TEX9: variants seen among roughly 807,000 people sequenced by gnomAD.
TEX9 encodes testis expressed 9, also known as testis-expressed protein 9.
In TEX9, 74 loss-of-function variants were observed where a neutral mutation model predicts 59.6. The ratio of observed to expected loss-of-function variants is 1.24; its 90% confidence interval spans 1.03 to 1.51. TEX9 has a LOEUF of 1.51. Among genes scored for constraint, TEX9 ranks in the 40% most tolerant of loss-of-function variants. TEX9 has a pLI of 0.00. For missense variants in TEX9, 522 were observed against 447.8 expected (o/e 1.17, Z -1.49); for synonymous variants, 186 against 152.2 (o/e 1.22, Z -1.64).
chr15:56,308,192 A>C (rs1382935090), intron 1 of TEX9, among the ~76,000 whole-genome samples: 10 of 152,206 alleles, frequency 6.6e-5, no homozygotes, highest in Admixed American at 6.5e-5. Flanking sequence ...TTTTACCAGC[A>C]GTGTATAAGG....
chr15:56,255,223 G>A (rs1314678216), intron 1 of TEX9, among the ~76,000 whole-genome samples: 3 of 152,092 alleles, frequency 2.0e-5, no homozygotes, highest in Non-Finnish European at 4.4e-5. Context: ...ATATGTAAAT[G>A]AATGTGCGAT....
At chr15:56,310,580 C>A (rs1432179851) in intron 1 of TEX9, among the ~76,000 whole-genome samples, 2 of 152,226 alleles carry the variant, frequency 1.3e-5, no homozygotes, top group Non-Finnish European at 2.9e-5. Flanking sequence ...GCGCATCCTA[C>A]TTTCCATTGC....
At chr15:56,337,537 C>G (rs2141811850) in intron 1 of TEX9, among the ~76,000 whole-genome samples, 1 of 152,282 alleles carries the variant, frequency 6.6e-6, no homozygotes, top group East Asian at 1.9e-4. Flanking sequence ...AAATATTAGC[C>G]TTTTTCATTG....
At chr15:56,452,158 T>G in the TEX9 span, among the ~76,000 whole-genome samples, 2 of 152,180 alleles carry the variant, frequency 1.3e-5, no homozygotes, top group South Asian at 4.1e-4. Flanking sequence ...TCAGGTTAGA[T>G]GATTCACTAG....
At chr15:56,459,014 C>G in the TEX9 span, among the ~76,000 whole-genome samples, 101 of 152,292 alleles carry the variant, frequency 6.6e-4, no homozygotes, top group African/African-American at 2.3e-3. Context: ...TATAGCACAT[C>G]TGTGTGTACA....
At chr15:56,300,705 GAGGGAGAGAGA>G (rs2045330946) in intron 1 of TEX9, among the ~76,000 whole-genome samples, 4 of 109,308 alleles carry the variant, frequency 3.7e-5, no homozygotes, top group Admixed American at 3.0e-4. Flanking sequence ...GAGAGAGAGA[GAGGGAGAGAGA>G]GAGAGAGAGA....
At chr15:56,306,269 A>G (rs2045483166) in intron 1 of TEX9, among the ~76,000 whole-genome samples, 1 of 151,300 alleles carries the variant, frequency 6.6e-6, no homozygotes, top group Non-Finnish European at 1.5e-5. Flanking sequence ...AAAAAAAAAA[A>G]AAAAAAAAAG....
chr15:56,392,091 G>C (rs1445920789), intron 7 of TEX9, among the ~76,000 whole-genome samples: 1 of 151,850 alleles, frequency 6.6e-6, no homozygotes, highest in Non-Finnish European at 1.5e-5. Context: ...AATTAATTGT[G>C]ACTACAGGCA....
At chr15:56,308,459 C>T (rs967209956) in intron 1 of TEX9, among the ~76,000 whole-genome samples, 1 of 152,056 alleles carries the variant, frequency 6.6e-6, no homozygotes, top group Admixed American at 6.6e-5. Context: ...GGATATTAGA[C>T]CTTTATCAGA....
At chr15:56,365,654 T>G (rs1356752403) in exon 2 of TEX9, 1 of 1,614,162 alleles carries the variant, frequency 6.2e-7, no homozygotes, top group African/African-American at 1.3e-5. Context: ...CCTCCTCGCC[T>G]TGGAGGAAGA....
intron 1 of TEX9, among the ~76,000 whole-genome samples, chr15:56,269,657 T>C (rs1366533614): frequency 6.7e-6 from 1 of 148,766 alleles, no homozygotes; most frequent in Non-Finnish European, 1.5e-5. Flanking sequence ...TCTTTTCTTT[T>C]TTTTTTTTTT....
intron 6 of TEX9, 30 bp from the exon 7 acceptor site, chr15:56,391,213 A>C: frequency 6.9e-7 from 1 of 1,440,608 alleles, no homozygotes; most frequent in Non-Finnish European, 9.3e-7. Flanking sequence ...ACGTATATAC[A>C]TACATATGTA....
chr15:56,334,502 AT>A (rs1390799099), intron 1 of TEX9, among the ~76,000 whole-genome samples: 1 of 152,134 alleles, frequency 6.6e-6, no homozygotes, highest in Non-Finnish European at 1.5e-5. Flanking sequence ...ATATACAAAA[AT>A]CAAAATGATT....
upstream of TEX9, among the ~76,000 whole-genome samples, chr15:56,362,762 C>T (rs954343316): frequency 6.6e-6 from 1 of 152,124 alleles, no homozygotes; most frequent in Non-Finnish European, 1.5e-5. Flanking sequence ...TATGGATTTG[C>T]CTATTGCGGA....
chr15:56,366,783 A>G (rs541087997), intron 2 of TEX9, among the ~76,000 whole-genome samples: 2 of 152,356 alleles, frequency 1.3e-5, no homozygotes, highest in South Asian at 2.1e-4. Flanking sequence ...TGATCTACAT[A>G]TGATCTATAA....
In TEX9 at chr15:56,302,320, T is replaced by TACACACACAC. The variant is rs56766153; in HGVS notation, c.-107+58075_-107+58084dup. On this transcript the variant is annotated intron_variant, in intron 1 of 5. Transcript: ENST00000560827. The stretch of plus-strand genomic sequence containing the variant: ...CTGGGCAACAGAGCAAGACACTGTT[T>TACACACACAC]ACACACACACACACACACACACACA... Among the ~76,000 whole-genome samples, 583 of 135,766 alleles carry TACACACACAC rather than the reference T, an allele frequency of 4.3e-3. 4 individuals are homozygous for TACACACACAC. Among genetic ancestry groups the TACACACACAC allele is most frequent in the East Asian group, 9.0e-3 (40 of 4,456 alleles). The allele number at this position is 135,766 out of a possible 152,430, so 89.1% of individuals were successfully genotyped here. A position where few individuals can be genotyped will look rare whatever the true frequency, so the allele number is the denominator to read the frequency against.
At chr15:56,247,366 C>A (rs2043884357) in intron 1 of TEX9, among the ~76,000 whole-genome samples, 1 of 152,082 alleles carries the variant, frequency 6.6e-6, no homozygotes, top group Non-Finnish European at 1.5e-5. Context: ...GTTGTGGAGT[C>A]ATAATGGAGG....
At chr15:56,375,702 A>C (rs1482152928) in intron 3 of TEX9, among the ~76,000 whole-genome samples, 22 of 152,172 alleles carry the variant, frequency 1.4e-4, no homozygotes, top group Non-Finnish European at 3.2e-4. Flanking sequence ...ATAAGGTGTA[A>C]GGAAGGGATC....
At chr15:56,382,496 G>A (rs775201160) in intron 3 of TEX9, among the ~76,000 whole-genome samples, 1 of 152,194 alleles carries the variant, frequency 6.6e-6, no homozygotes, top group Non-Finnish European at 1.5e-5. Flanking sequence ...ATGTCTCAGA[G>A]CCCAAGGCCC....
Sources: allele counts gnomAD v4.1 joint callset (sites outside exome capture counted in the v4.1 genomes callset), GRCh38; gene constraint gnomAD v4.1.1; transcripts MANE v1.5; gene names NCBI Gene and HGNC (gene_info 2026-07-23, HGNC 2026-07-21).